Variants in DSCAML1 observed in about 807,000 individuals in gnomAD.
DSCAML1 encodes the protein DS cell adhesion molecule like 1.
Under a neutral mutation model 200.5 loss-of-function variants are expected in DSCAML1, and 38 were observed. The ratio of observed to expected loss-of-function variants is 0.19; its 90% CI spans 0.15 to 0.25. The LOEUF is 0.25. DSCAML1 is among the 10% of genes least tolerant of loss of function. DSCAML1 has a pLI of 1.00. For synonymous variants in DSCAML1, 1,215 were observed against 1,165.0 expected (o/e 1.04, Z -0.87); for missense variants, 2,223 against 2,858.8 (o/e 0.78, Z 5.07).
At chr11:117,740,623 C>T (rs565365546) in intron 3 of DSCAML1, among the ~76,000 whole-genome samples, 42 of 152,322 alleles carry the variant, frequency 2.8e-4, no homozygotes, top group African/African-American at 9.4e-4. Flanking sequence ...GGCAAGCACC[C>T]CACTGCCCAG....
chr11:117,470,407 C>T (rs2048662617), intron 15 of DSCAML1, among the ~76,000 whole-genome samples: 1 of 152,192 alleles, frequency 6.6e-6, no homozygotes, highest in South Asian at 2.1e-4. Flanking sequence ...AACCCTGTCT[C>T]TACTAAAAAT....
intron 14 of DSCAML1, among the ~76,000 whole-genome samples, chr11:117,476,157 A>C (rs1450471325): frequency 1.3e-5 from 2 of 152,214 alleles, no homozygotes; most frequent in Non-Finnish European, 2.9e-5. Context: ...TTTATGATGC[A>C]AAATATTCTT....
intron 3 of DSCAML1, among the ~76,000 whole-genome samples, chr11:117,549,094 C>T (rs1452309313): frequency 6.6e-6 from 1 of 152,142 alleles, no homozygotes; most frequent in African/African-American, 2.4e-5. Context: ...CAGTGGAGAC[C>T]ATCCCTCTGT....
rs1235795770 is a variant in DSCAML1 at position 117,437,563 on chromosome 11, G to A, written c.4433-154C>T. On this transcript the variant is annotated intron_variant, in intron 25 of 32. Transcript: ENST00000651296. This position sits in a 1 kb window ranked among gnomAD's most constrained non-coding sequence, Gnocchi z 5.3. Reference sequence around the variant, plus strand: ...GCACAGATGGGGTGGGGAAGCCCCAGGGCGCAGAGGAGGAAGAGGAGGGGA... The same window carrying A: ...GCACAGATGGGGTGGGGAAGCCCCAAGGCGCAGAGGAGGAAGAGGAGGGGA... Among the ~76,000 whole-genome samples the A allele has an allele frequency of 6.6e-6, 1 of 152,116 alleles. No homozygotes were observed. Among genetic ancestry groups the A allele is most frequent in the African/African-American group, 2.4e-5 (1 of 41,418 alleles).
chr11:117,771,213 A>C (rs1234823211), intron 3 of DSCAML1, among the ~76,000 whole-genome samples: 1 of 152,180 alleles, frequency 6.6e-6, no homozygotes, highest in Non-Finnish European at 1.5e-5. Context: ...TGTCAGCCTG[A>C]ACGAAATGTA....
chr11:117,606,647 G>A (rs1048971257), intron 3 of DSCAML1, among the ~76,000 whole-genome samples: 2 of 152,090 alleles, frequency 1.3e-5, no homozygotes, highest in African/African-American at 4.8e-5. Flanking sequence ...CTTCCACCCC[G>A]GCACCCAGAC....
intron 4 of DSCAML1, among the ~76,000 whole-genome samples, chr11:117,531,903 G>A (rs975614157): frequency 4.9e-5 from 5 of 102,696 alleles, no homozygotes; most frequent in Admixed American, 4.7e-4. Context: ...AAGAAAGAAA[G>A]GGAAGGGAAG....
At chr11:117,654,825 G>A (rs183161194) in intron 3 of DSCAML1, among the ~76,000 whole-genome samples, 61 of 152,174 alleles carry the variant, frequency 4.0e-4, no homozygotes, top group African/African-American at 1.4e-3. Context: ...GGAGGGCACT[G>A]AGCGGGTGGA....
intron 3 of DSCAML1, among the ~76,000 whole-genome samples, chr11:117,669,752 G>A (rs1039521095): frequency 6.6e-6 from 1 of 152,260 alleles, no homozygotes; most frequent in Admixed American, 6.5e-5. Flanking sequence ...CAAATGTGAA[G>A]CATGGGGGAA....
At chr11:117,744,449 A>G (rs116270773) in intron 3 of DSCAML1, among the ~76,000 whole-genome samples, 1,910 of 152,360 alleles carry the variant, frequency 0.013, 38 homozygotes, top group African/African-American at 0.041. Flanking sequence ...GTGAGGCCTC[A>G]TGGATACGCA....
At chr11:117,479,863 G>C (rs1284779205) in intron 14 of DSCAML1, among the ~76,000 whole-genome samples, 1 of 152,116 alleles carries the variant, frequency 6.6e-6, no homozygotes, top group Non-Finnish European at 1.5e-5. Context: ...GACCAGACTG[G>C]TCTCGAACTC....
chr11:117,522,629 C>G (rs1467836396), intron 5 of DSCAML1, among the ~76,000 whole-genome samples: 4 of 152,224 alleles, frequency 2.6e-5, no homozygotes, highest in Non-Finnish European at 5.9e-5. Context: ...TCTCCCTACT[C>G]GTTTCCCAGA....
chr11:117,501,789 G>T (rs2049401370), intron 11 of DSCAML1, among the ~76,000 whole-genome samples: 1 of 152,118 alleles, frequency 6.6e-6, no homozygotes, highest in African/African-American at 2.4e-5. Context: ...CCGAGGTGTG[G>T]AGAGACAGCA....
intron 3 of DSCAML1, among the ~76,000 whole-genome samples, chr11:117,716,178 C>T (rs1357229038): frequency 6.6e-6 from 1 of 152,198 alleles, no homozygotes; most frequent in Admixed American, 6.5e-5. Flanking sequence ...CAGCCCGGAG[C>T]GAGGAGCCAA....
At chr11:117,435,087 CAGACACTGTGTT>C (rs1378856746) in intron 27 of DSCAML1, among the ~76,000 whole-genome samples, 6 of 152,188 alleles carry the variant, frequency 3.9e-5, no homozygotes, top group Non-Finnish European at 8.8e-5. Context: ...TAGTAGGTGC[CAGACACTGTGTT>C]AGGCTGTGGG....
At chr11:117,626,521 C>T (rs899075981) in intron 3 of DSCAML1, among the ~76,000 whole-genome samples, 7 of 152,104 alleles carry the variant, frequency 4.6e-5, no homozygotes, top group East Asian at 1.9e-4. Context: ...CCAGGCTGTT[C>T]GCTTCACTGG....
At chr11:117,761,209 G>A (rs540265457) in intron 3 of DSCAML1, among the ~76,000 whole-genome samples, 1 of 152,160 alleles carries the variant, frequency 6.6e-6, no homozygotes, top group East Asian at 1.9e-4. Flanking sequence ...CTCACACTTG[G>A]ACACCCAGCC....
Position 117,482,143 on chromosome 11 carries a change from G to C in DSCAML1, c.2379C>G (p.Ser793=). The C allele has an allele frequency of 1.2e-6, 2 of 1,614,152 alleles. No individual in the cohort carries two copies. The highest frequency in any genetic ancestry group is 4.5e-5 in the East Asian group (2 of 44,880). Residue 793 remains serine (S), a synonymous_variant, in exon 12 of 33, where the codon TCC becomes TCG. Transcript: ENST00000651296. ...TGATGGCGATGGTGGTGTTGGGGTG[G>C]GAAGTGATCATGGCCGGGACTGGGG... ...LTVKIPAMIT[S]HPNTTIAIKG... is the part of the protein sequence containing the mutation.
At chr11:117,667,386 T>C (rs544958001) in intron 3 of DSCAML1, among the ~76,000 whole-genome samples, 1 of 152,184 alleles carries the variant, frequency 6.6e-6, no homozygotes, top group Non-Finnish European at 1.5e-5. Context: ...CACTCCAGCC[T>C]GGGTGACAGA....
Sources: gnomAD v4.1 joint callset for allele counts (sites outside exome capture counted in the v4.1 genomes callset) on GRCh38, gnomAD v4.1.1 for gene constraint, Gnocchi (gnomAD v3.1) non-coding constraint, MANE v1.5 for transcripts, NCBI Gene and HGNC (gene_info 2026-07-23, HGNC 2026-07-21) for gene names.